ARHGEF28: variants seen among roughly 807,000 people sequenced by gnomAD.
ARHGEF28 encodes Rho guanine nucleotide exchange factor 28.
Under a neutral mutation model 206.6 loss-of-function variants are expected in ARHGEF28, and 152 were observed. That is an observed-to-expected ratio of 0.74 (90% CI 0.64 to 0.84). The LOEUF is 0.84. Among genes scored for constraint, ARHGEF28 ranks in the 40% least tolerant of loss-of-function variants. The pLI is 0.00. For missense variants in ARHGEF28, 2,028 were observed against 2,073.2 expected (o/e 0.98, Z 0.42); for synonymous variants, 763 against 776.4 (o/e 0.98, Z 0.29).
At chr5:73,820,042 A>G (rs79623535) in intron 9 of ARHGEF28, among the ~76,000 whole-genome samples, 7,118 of 152,212 alleles carry the variant, frequency 0.047, 238 homozygotes, top group African/African-American at 0.085. Flanking sequence ...CGGCCAGCCC[A>G]TTATCACATC....
chr5:73,875,672 A>G (rs1283537891), intron 22 of ARHGEF28, among the ~76,000 whole-genome samples: 2 of 151,874 alleles, frequency 1.3e-5, no homozygotes, highest in Admixed American at 6.6e-5. Flanking sequence ...TTTATTAAAT[A>G]GGGAATCCTT....
Position 73,881,435 on chromosome 5 carries a change from G to A in ARHGEF28, c.2815-1037G>A, listed in dbSNP as rs960089858. On this transcript the variant is annotated intron_variant, in intron 22 of 35. Transcript: ENST00000513042. The stretch of plus-strand genomic sequence containing the variant: ...TCTTCTAATCCATGAACATCATATA[G>A]CACTTCATTTATTTAGATTTTTGTC... Among the ~76,000 whole-genome samples, 10 of 152,080 alleles carry A rather than the reference G, an allele frequency of 6.6e-5. No homozygotes were observed. In the East Asian group the frequency reaches 7.7e-4, roughly 12 times the overall value.
At chr5:73,660,745 C>T (rs1745544840) in intron 1 of ARHGEF28, among the ~76,000 whole-genome samples, 1 of 152,170 alleles carries the variant, frequency 6.6e-6, no homozygotes, top group Non-Finnish European at 1.5e-5. Flanking sequence ...GGTACATTGT[C>T]AGTGAGCAGT....
At chr5:73,843,786 T>A (rs1758133087) in intron 11 of ARHGEF28, among the ~76,000 whole-genome samples, 1 of 152,196 alleles carries the variant, frequency 6.6e-6, no homozygotes, top group South Asian at 2.1e-4. Context: ...AACATTAATT[T>A]AAAAATACTA....
intron 5 of ARHGEF28, among the ~76,000 whole-genome samples, chr5:73,775,990 T>A (rs1753519943): frequency 6.6e-6 from 1 of 152,198 alleles, no homozygotes; most frequent in Non-Finnish European, 1.5e-5. Flanking sequence ...TACAACATGA[T>A]CAAATTTGTG....
At chr5:73,872,789 C>T (rs1760188172) in intron 21 of ARHGEF28, among the ~76,000 whole-genome samples, 1 of 152,084 alleles carries the variant, frequency 6.6e-6, no homozygotes, top group South Asian at 2.1e-4. Flanking sequence ...ACATATATGT[C>T]CTCTTTAATA....
intron 10 of ARHGEF28, among the ~76,000 whole-genome samples, chr5:73,834,868 A>T (rs1385665734): frequency 6.6e-6 from 1 of 152,220 alleles, no homozygotes; most frequent in Non-Finnish European, 1.5e-5. Context: ...GTTGCACAAT[A>T]GCAAGATAAA....
intron 9 of ARHGEF28, among the ~76,000 whole-genome samples, chr5:73,796,885 G>A (rs182954881): frequency 2.4e-3 from 370 of 152,312 alleles, no homozygotes; most frequent in African/African-American, 8.2e-3. Context: ...GCTACAAATT[G>A]CATCATGCTC....
At chr5:73,645,451 G>A (rs193057954) in intron 1 of ARHGEF28, among the ~76,000 whole-genome samples, 11 of 152,254 alleles carry the variant, frequency 7.2e-5, no homozygotes, top group African/African-American at 1.4e-4. Context: ...GAGTATGTAA[G>A]TTCTGAGAAA....
chr5:73,727,129 T>C (rs7707029), intron 2 of ARHGEF28, among the ~76,000 whole-genome samples: 6,865 of 152,270 alleles, frequency 0.045, 528 homozygotes, highest in African/African-American at 0.16. Flanking sequence ...CATTACAAAG[T>C]CCATTTTGGT....
At chr5:73,841,518 C>A (rs1238559804) in intron 11 of ARHGEF28, among the ~76,000 whole-genome samples, 4 of 151,910 alleles carry the variant, frequency 2.6e-5, no homozygotes, top group Admixed American at 2.0e-4. Flanking sequence ...CCAGCATGGG[C>A]AACATGGTAA....
At chr5:73,801,647 G>A (rs1007489834) in intron 9 of ARHGEF28, among the ~76,000 whole-genome samples, 19 of 151,934 alleles carry the variant, frequency 1.3e-4, no homozygotes, top group African/African-American at 4.4e-4. Flanking sequence ...TGAAAAATAC[G>A]TTTTCAATCC....
chr5:73,671,421 AC>A (rs1746292517), intron 1 of ARHGEF28, among the ~76,000 whole-genome samples: 1 of 152,048 alleles, frequency 6.6e-6, no homozygotes, highest in African/African-American at 2.4e-5. Flanking sequence ...CTGAACTCAG[AC>A]TTTTAGGTAT....
At chr5:73,857,992 A>G in intron 15 of ARHGEF28, 95 bp from the exon 16 acceptor site, 1 of 1,506,780 alleles carries the variant, frequency 6.6e-7, no homozygotes, top group Non-Finnish European at 8.9e-7. Flanking sequence ...AAATGTAGAG[A>G]CTTTGCTCAG....
chr5:73,868,863 T>G (rs1206337441), intron 20 of ARHGEF28, among the ~76,000 whole-genome samples: 1 of 152,200 alleles, frequency 6.6e-6, no homozygotes, highest in Non-Finnish European at 1.5e-5. Flanking sequence ...GCCAGGCTGG[T>G]CTTGAACTCC....
chr5:73,916,750 G>C (rs773923675), intron 35 of ARHGEF28, among the ~76,000 whole-genome samples: 3 of 152,018 alleles, frequency 2.0e-5, no homozygotes, highest in Non-Finnish European at 4.4e-5. Flanking sequence ...ACAAAATGAT[G>C]ATTTTTCTCC....
At chr5:73,724,814 G>T (rs890346395) in intron 2 of ARHGEF28, among the ~76,000 whole-genome samples, 1 of 152,170 alleles carries the variant, frequency 6.6e-6, no homozygotes, top group African/African-American at 2.4e-5. Context: ...TATCTGAGAT[G>T]ATTCCAGTTT....
At chr5:73,668,766 A>ACCCTTCTGTTGGAAG (rs1561321005) in intron 1 of ARHGEF28, among the ~76,000 whole-genome samples, 1 of 151,416 alleles carries the variant, frequency 6.6e-6, no homozygotes, top group Non-Finnish European at 1.5e-5. Context: ...TTACTTGGAA[A>ACCCTTCTGTTGGAAG]CCCTTCTAAG....
intron 2 of ARHGEF28, among the ~76,000 whole-genome samples, chr5:73,701,043 C>A (rs1229673867): frequency 2.0e-5 from 3 of 152,046 alleles, no homozygotes; most frequent in Admixed American, 1.3e-4. Context: ...TTACTGAATT[C>A]TTCATTAAGA....
Sources: allele counts gnomAD v4.1 joint callset (sites outside exome capture counted in the v4.1 genomes callset), GRCh38; gene constraint gnomAD v4.1.1; transcripts MANE v1.5; gene names NCBI Gene and HGNC (gene_info 2026-07-23, HGNC 2026-07-21).